The following GAB1 variants were observed in gnomAD, a reference collection of about 807,000 sequenced individuals.
The protein encoded by GAB1 is GRB2 associated binding protein 1, also known as GRB2-associated-binding protein 1.
GAB1 carries 19 observed loss-of-function variants against 66.5 expected under a neutral mutation model. That is an observed-to-expected ratio of 0.29 (90% confidence interval 0.20 to 0.42). GAB1 has a LOEUF of 0.42. GAB1 is among the 10% of genes least tolerant of loss of function. The pLI is 1.00. For synonymous variants in GAB1, 294 were observed against 301.4 expected (o/e 0.98, Z 0.25); for missense variants, 732 against 858.5 (o/e 0.85, Z 1.84).
chr4:143,409,042 C>G lies in GAB1; in HGVS notation c.73-6435C>G, dbSNP rs113807774. On this transcript the variant is annotated intron_variant, in intron 1 of 9. Coordinates refer to ENST00000262994, the MANE Select transcript of GAB1 (RefSeq NM_002039.4). ...CCAAGAGACCCCAAGATGCAGTCAG[C>G]AGAGTTCTTTTTCAAGTGCTTAAGG... Among the ~76,000 whole-genome samples, 1,018 of 152,246 alleles carry G rather than the reference C, an allele frequency of 6.7e-3. 5 individuals are homozygous for G. The highest frequency in any genetic ancestry group is 0.011 in the Non-Finnish European group (761 of 68,024).
At chr4:143,425,891 G>C (rs1733323896) in intron 2 of GAB1, 4 of 1,421,072 alleles carry the variant, frequency 2.8e-6, no homozygotes, top group Non-Finnish European at 3.9e-6. Context: ...CCACTGCTCA[G>C]GCCACTGAAT....
At chr4:143,468,556 G>A (rs1467960448) in intron 9 of GAB1, among the ~76,000 whole-genome samples, 1 of 151,930 alleles carries the variant, frequency 6.6e-6, no homozygotes, top group Non-Finnish European at 1.5e-5. Flanking sequence ...GGCAAAAATA[G>A]TATATAGTTA....
At chr4:143,455,299 A>G (rs1037183836) in intron 6 of GAB1, among the ~76,000 whole-genome samples, 1 of 152,252 alleles carries the variant, frequency 6.6e-6, no homozygotes, top group Non-Finnish European at 1.5e-5. Context: ...AGAAACAATC[A>G]GTTTCAGCTT....
At chr4:143,362,559 C>G (rs1729708239) in intron 1 of GAB1, among the ~76,000 whole-genome samples, 1 of 152,138 alleles carries the variant, frequency 6.6e-6, no homozygotes, top group Admixed American at 6.5e-5. Context: ...ACAGTTTCTC[C>G]CCCTTTTAAA....
At chr4:143,425,262 G>A (rs867680666) in intron 2 of GAB1, 3 of 960,886 alleles carry the variant, frequency 3.1e-6, no homozygotes, top group Middle Eastern at 2.6e-4. Context: ...TGAAAACCCT[G>A]CAGATGTCAG....
chr4:143,461,578 C>T (rs1337646277), intron 8 of GAB1, among the ~76,000 whole-genome samples: 1 of 152,208 alleles, frequency 6.6e-6, no homozygotes, highest in Non-Finnish European at 1.5e-5. Flanking sequence ...TTAACCAGAA[C>T]TTAGCCTGTG....
intron 8 of GAB1, among the ~76,000 whole-genome samples, chr4:143,463,694 T>C (rs1033004280): frequency 6.6e-6 from 1 of 151,906 alleles, no homozygotes; most frequent in Admixed American, 6.6e-5. Context: ...TAATACCTTA[T>C]AGAATCTTAG....
chr4:143,372,436 A>G (rs1353008852), intron 1 of GAB1, among the ~76,000 whole-genome samples: 1 of 152,228 alleles, frequency 6.6e-6, no homozygotes, highest in South Asian at 2.1e-4. Flanking sequence ...TCTGCCTTAC[A>G]TGAAACTTAC....
chr4:143,367,562 T>C (rs2149662494), intron 1 of GAB1, among the ~76,000 whole-genome samples: 1 of 152,016 alleles, frequency 6.6e-6, no homozygotes, highest in African/African-American at 2.4e-5. Context: ...CTTTTTTTTT[T>C]TTTTTCTTTA....
chr4:143,440,533 G>C (rs1344325268), intron 6 of GAB1, 151 bp downstream of exon 6: 2 of 714,670 alleles, frequency 2.8e-6, no homozygotes, highest in African/African-American at 3.6e-5. Context: ...AAGCAGTACT[G>C]CCATTTATAA....
intron 5 of GAB1, 30 bp downstream of exon 5, chr4:143,439,917 G>A (rs779463158): frequency 1.6e-4 from 239 of 1,540,060 alleles, no homozygotes; most frequent in Non-Finnish European, 2.0e-5. Context: ...GCATCATCAA[G>A]TGTATTTCAT....
intron 1 of GAB1, among the ~76,000 whole-genome samples, chr4:143,354,504 G>A (rs903927645): frequency 2.6e-5 from 4 of 151,752 alleles, no homozygotes; most frequent in Non-Finnish European, 5.9e-5. Context: ...TCCATTTTGA[G>A]TTTAAAGTAT....
In GAB1 at chr4:143,370,060, T is replaced by C. The variant is rs867733004; in HGVS notation, c.72+32800T>C. On this transcript the variant is annotated intron_variant, in intron 1 of 9. Coordinates refer to ENST00000262994, the MANE Select transcript of GAB1 (RefSeq NM_002039.4). Reference sequence around the variant, plus strand: ...ATAAGCACTCACTTAGGTGTTGCATTGGTCAGGGACCTGGTGGGAGGCGGA... The same window carrying C: ...ATAAGCACTCACTTAGGTGTTGCATCGGTCAGGGACCTGGTGGGAGGCGGA... Among the ~76,000 whole-genome samples, 6 of 152,238 alleles carry C rather than the reference T, an allele frequency of 3.9e-5. No individual in the cohort carries two copies. The South Asian group carries it at 1.2e-3, about 32-fold the overall frequency.
intron 2 of GAB1, chr4:143,425,258 C>T (rs1315604478): frequency 4.1e-6 from 4 of 964,660 alleles, no homozygotes. Context: ...CCGTTGAAAA[C>T]CCTGCAGATG....
chr4:143,395,755 T>G, intron 1 of GAB1: 1 of 365,928 alleles, frequency 2.7e-6, no homozygotes, highest in Non-Finnish European at 5.4e-6. Context: ...TAGAACTCTG[T>G]TATTAGCCAT....
chr4:143,376,132 A>G (rs1464159598), intron 1 of GAB1, among the ~76,000 whole-genome samples: 1 of 151,874 alleles, frequency 6.6e-6, no homozygotes, highest in African/African-American at 2.4e-5. Context: ...CACCACCTCC[A>G]CCTTTATACT....
At chr4:143,373,377 A>G (rs768250363) in intron 1 of GAB1, among the ~76,000 whole-genome samples, 18 of 152,218 alleles carry the variant, frequency 1.2e-4, no homozygotes, top group Non-Finnish European at 2.4e-4. Flanking sequence ...TAGCAGCTCA[A>G]TAATTAATCC....
At chr4:143,390,645 A>C (rs1233330504) in intron 1 of GAB1, among the ~76,000 whole-genome samples, 2 of 152,220 alleles carry the variant, frequency 1.3e-5, no homozygotes, top group Non-Finnish European at 2.9e-5. Context: ...AATAGTGTTC[A>C]TACCAGTTAT....
At chr4:143,347,656 G>A (rs1235456819) in intron 1 of GAB1, among the ~76,000 whole-genome samples, 1 of 152,212 alleles carries the variant, frequency 6.6e-6, no homozygotes, top group Admixed American at 6.5e-5. Context: ...AGAGCTGTGT[G>A]CTGCTAGGGG....
Sources: gnomAD v4.1 joint callset for allele counts (sites outside exome capture counted in the v4.1 genomes callset) on GRCh38, gnomAD v4.1.1 for gene constraint, MANE v1.5 for transcripts, NCBI Gene and HGNC (gene_info 2026-07-23, HGNC 2026-07-21) for gene names.